Variants in DENND2B observed in about 807,000 individuals in gnomAD.
DENND2B encodes DENN domain-containing protein 2B.
Under a neutral mutation model 116.0 loss-of-function variants are expected in DENND2B, and 32 were observed. The ratio of observed to expected loss-of-function variants is 0.28; its 90% CI spans 0.21 to 0.37. The LOEUF (loss-of-function observed/expected upper bound fraction) is 0.37. DENND2B is among the 10% of genes least tolerant of loss of function. DENND2B has a pLI of 1.00. For missense variants in DENND2B, 1,276 were observed against 1,477.7 expected (o/e 0.86, Z 2.24); for synonymous variants, 588 against 583.9 (o/e 1.01, Z -0.10).
chr11:8,909,664 A>T (rs2064289559), intron 1 of DENND2B: 1 of 152,178 alleles, frequency 6.6e-6, no homozygotes, highest in South Asian at 2.1e-4. Context: ...ACTCACTGTT[A>T]TTCTTTTTTA....
intron 1 of DENND2B, among the ~76,000 whole-genome samples, chr11:8,884,281 GAA>G (rs34871822): frequency 1.6e-3 from 224 of 144,064 alleles, no homozygotes; most frequent in Middle Eastern, 7.2e-3. Context: ...TCTACTAACA[GAA>G]AAAAAAAAAA....
At chr11:8,698,758 C>T (rs754536274) in intron 16 of DENND2B, among the ~76,000 whole-genome samples, 175 bp downstream of exon 16, 11 of 152,198 alleles carry the variant, frequency 7.2e-5, no homozygotes, top group Non-Finnish European at 1.2e-4. Flanking sequence ...ACTGGAAAGG[C>T]GGACCCTGCT....
At chr11:8,721,422 T>G (rs1366091995) in intron 4 of DENND2B, among the ~76,000 whole-genome samples, 1 of 152,196 alleles carries the variant, frequency 6.6e-6, no homozygotes, top group African/African-American at 2.4e-5. Flanking sequence ...GCACAGGCAC[T>G]GAGAATTTCT....
At chr11:8,873,791 A>T (rs2063816153), upstream of DENND2B, among the ~76,000 whole-genome samples, 1 of 152,236 alleles carries the variant, frequency 6.6e-6, no homozygotes, top group South Asian at 2.1e-4. Context: ...AAAGATAAAT[A>T]AAAACACTCC....
At chr11:8,874,182 G>C (rs910865579), upstream of DENND2B, among the ~76,000 whole-genome samples, 1 of 152,092 alleles carries the variant, frequency 6.6e-6, no homozygotes. Context: ...TCCTCTGTAC[G>C]GTCTTCTGTC....
intron 1 of DENND2B, among the ~76,000 whole-genome samples, chr11:8,892,617 A>G (rs1360459139): frequency 6.6e-6 from 1 of 152,196 alleles, no homozygotes; most frequent in Non-Finnish European, 1.5e-5. Context: ...TACTATAAAC[A>G]CCTCTACGCA....
chr11:8,863,350 A>ACACCATTCTCCTGCCTCC (rs1223445250), intron 2 of DENND2B, among the ~76,000 whole-genome samples: 1 of 124,646 alleles, frequency 8.0e-6, no homozygotes, highest in African/African-American at 3.0e-5. Flanking sequence ...TCCACCTCTC[A>ACACCATTCTCCTGCCTCC]GCCTCCCCAG....
At chr11:8,734,164 T>C (rs2048576098) in intron 2 of DENND2B, among the ~76,000 whole-genome samples, 1 of 152,250 alleles carries the variant, frequency 6.6e-6, no homozygotes, top group Admixed American at 6.5e-5. Flanking sequence ...TTCTCTGTTA[T>C]CTGTCTGCAT....
chr11:8,796,381 A>G (rs1480482532), intron 1 of DENND2B, among the ~76,000 whole-genome samples: 2 of 152,204 alleles, frequency 1.3e-5, no homozygotes, highest in Non-Finnish European at 2.9e-5. Context: ...CTCTACAAAA[A>G]TACAAAAATT....
intron 2 of DENND2B, among the ~76,000 whole-genome samples, chr11:8,868,988 G>T (rs1030434065): frequency 6.6e-6 from 1 of 152,184 alleles, no homozygotes; most frequent in Non-Finnish European, 1.5e-5. Context: ...TTTTTTATGC[G>T]ATTTATTTTA....
At chr11:8,874,044 A>G (rs1020742878), upstream of DENND2B, among the ~76,000 whole-genome samples, 6 of 152,234 alleles carry the variant, frequency 3.9e-5, no homozygotes, top group African/African-American at 1.4e-4. Context: ...CCCATGTTCC[A>G]TTATTCAGTC....
At chr11:8,869,933 C>CAA (rs11454088) in intron 2 of DENND2B, among the ~76,000 whole-genome samples, 30,378 of 151,082 alleles carry the variant, frequency 0.2, 3,181 homozygotes, top group East Asian at 0.3. Flanking sequence ...CTAATTCTGG[C>CAA]AAAAAAAAAT....
chr11:8,859,531 A>G lies in DENND2B; in HGVS notation c.-249-2095T>C, dbSNP rs572285303. 3.3e-5 allele frequency among the ~76,000 whole-genome samples: 5 copies of G among 151,626 alleles called. No individual in the cohort carries two copies. The South Asian group carries it at 8.4e-4, about 25-fold the overall frequency. ...CACCATGTTAGCCAGGATGGTCTCA[A>G]TCTCCTGACCTCGTGATCCACCCGC... On this transcript the variant is annotated intron_variant, in intron 2 of 6. Coordinates refer to the DENND2B transcript ENST00000524757.
intron 2 of DENND2B, among the ~76,000 whole-genome samples, chr11:8,742,947 C>A (rs2050478002): frequency 6.6e-6 from 1 of 152,160 alleles, no homozygotes; most frequent in South Asian, 2.1e-4. Flanking sequence ...GGCTGTAATC[C>A]CAGCTACTTG....
intron 4 of DENND2B, among the ~76,000 whole-genome samples, chr11:8,724,260 C>T (rs1468130880): frequency 6.6e-6 from 1 of 151,592 alleles, no homozygotes; most frequent in African/African-American, 2.4e-5. Context: ...CGCACCACTG[C>T]ACTCCAGCCT....
chr11:8,821,570 T>C (rs371636154), intron 4 of DENND2B, among the ~76,000 whole-genome samples: 1 of 79,306 alleles, frequency 1.3e-5, no homozygotes, highest in South Asian at 6.7e-4. Flanking sequence ...CAGAGAGAGA[T>C]CCTGTCTCAA....
chr11:8,735,846 G>T (rs141627785), intron 2 of DENND2B, among the ~76,000 whole-genome samples: 46 of 152,380 alleles, frequency 3.0e-4, no homozygotes, highest in African/African-American at 9.6e-4. Context: ...TCGTGACAAA[G>T]AGTTTGCACA....
At position 8,715,716 on chromosome 11, in the gene DENND2B, T is replaced by G. The variant is rs1182679095; in HGVS notation, c.1732A>C (p.Met578Leu). Reference sequence around the variant, plus strand: ...AGACTCAGCTGAGCCAGCAGCAGCATGTCGTCATGGCTGTGCCTCTTGGGT... The same window carrying G: ...AGACTCAGCTGAGCCAGCAGCAGCAGGTCGTCATGGCTGTGCCTCTTGGGT... ...RLPKRHSHDD[M>L]LLLAQLSLPS... The change falls in exon 6 of 20, where the codon ATG (methionine) becomes CTG (leucine). Residue 578 changes from methionine to leucine, a missense_variant. Met to Leu is a conservative substitution (Grantham distance 15). Transcript: ENST00000313726. 6.2e-7 allele frequency: 1 copy of G among 1,614,118 alleles called. No homozygotes were observed. The highest frequency in any genetic ancestry group is 8.5e-7 in the Non-Finnish European group (1 of 1,180,046).
Position 8,876,452 on chromosome 11 carries a change from T to A in DENND2B, c.-156+4558A>T, listed in dbSNP as rs568225621. On this transcript the variant is annotated intron_variant, in intron 2 of 22. Coordinates refer to the DENND2B transcript ENST00000534127. ...CCTTTTGTTCCCTCCCTACTAAGTGTACAGAAGACAGGATACATCCAATCA... is the reference window on the plus strand; with the variant it reads ...CCTTTTGTTCCCTCCCTACTAAGTGAACAGAAGACAGGATACATCCAATCA... 2.2e-3 allele frequency among the ~76,000 whole-genome samples: 328 copies of A among 152,298 alleles called. 8 individuals carry two copies. The highest frequency in any genetic ancestry group is 0.021 in the Admixed American group (324 of 15,294).
Sources: allele counts gnomAD v4.1 joint callset (sites outside exome capture counted in the v4.1 genomes callset), GRCh38; gene constraint gnomAD v4.1.1; transcripts MANE v1.5; gene names NCBI Gene and HGNC (gene_info 2026-07-23, HGNC 2026-07-21).